ADAM29: variants seen among roughly 807,000 people sequenced by gnomAD.
ADAM29 encodes disintegrin and metalloproteinase domain-containing protein 29.
For missense variants in ADAM29, 969 were observed against 1,001.8 expected (o/e 0.97, Z 0.44); for synonymous variants, 367 against 342.3 (o/e 1.07, Z -0.80).
intron 4 of ADAM29, among the ~76,000 whole-genome samples, chr4:174,947,165 A>C (rs1033561396): frequency 2.6e-5 from 4 of 151,510 alleles, no homozygotes; most frequent in African/African-American, 9.7e-5. Flanking sequence ...CTAGCAGTCT[A>C]TTAATCATAT....
intron 3 of ADAM29, among the ~76,000 whole-genome samples, chr4:174,931,785 C>T (rs73001888): frequency 6.6e-6 from 1 of 151,212 alleles, no homozygotes; most frequent in African/African-American, 2.4e-5. Flanking sequence ...TTAGTACCTA[C>T]CATAATTTAT....
intron 4 of ADAM29, among the ~76,000 whole-genome samples, chr4:174,948,052 C>CATCTTT (rs753394032): frequency 8.5e-5 from 13 of 152,302 alleles, no homozygotes; most frequent in Non-Finnish European, 1.5e-4. Flanking sequence ...ATGGACATTT[C>CATCTTT]ATCTTTTACC....
intron 4 of ADAM29, among the ~76,000 whole-genome samples, chr4:174,967,893 TG>T (rs1181203598): frequency 6.6e-6 from 1 of 152,222 alleles, no homozygotes; most frequent in Admixed American, 6.5e-5. Flanking sequence ...ACCCACTACT[TG>T]GAATGTCTTC....
chr4:174,951,489 A>G (rs28712018), intron 4 of ADAM29, among the ~76,000 whole-genome samples: 2,786 of 152,334 alleles, frequency 0.018, 90 homozygotes, highest in African/African-American at 0.063. Context: ...AGCCTTTTGT[A>G]TAATGGTTTA....
chr4:174,942,731 C>T lies in ADAM29; in HGVS notation c.-181+5718C>T, dbSNP rs115083119. On this transcript the variant is annotated intron_variant, in intron 4 of 4. Coordinates refer to ENST00000359240, the MANE Select transcript of ADAM29 (RefSeq NM_014269.4). The stretch of plus-strand genomic sequence containing the variant: ...TGCCCTGGAGACATTTTCCCCATTG[C>T]CTTGGCTATTAACATTCAGCTTCTC... Among the ~76,000 whole-genome samples the T allele has an allele frequency of 4.2e-3, 638 of 152,252 alleles. 2 individuals carry two copies. Among genetic ancestry groups the T allele is most frequent in the Middle Eastern group, 0.01 (3 of 294 alleles).
intron 4 of ADAM29, among the ~76,000 whole-genome samples, chr4:174,960,939 A>C (rs530646697): frequency 2.6e-5 from 4 of 152,264 alleles, no homozygotes; most frequent in African/African-American, 9.6e-5. Context: ...TGTGATAAGA[A>C]CTGTCTCCTT....
intron 4 of ADAM29, among the ~76,000 whole-genome samples, chr4:174,950,810 G>T (rs555481448): frequency 1.3e-5 from 2 of 152,192 alleles, no homozygotes; most frequent in Admixed American, 6.5e-5. Flanking sequence ...GGGGGCAGAC[G>T]TCCCCCTTCT....
chr4:174,932,878 A>T (rs1743979581), intron 3 of ADAM29, among the ~76,000 whole-genome samples: 1 of 152,188 alleles, frequency 6.6e-6, no homozygotes, highest in Non-Finnish European at 1.5e-5. Flanking sequence ...CAAAGAATAG[A>T]TAAGACTTAT....
intron 4 of ADAM29, among the ~76,000 whole-genome samples, chr4:174,961,651 AG>A (rs1448729782): frequency 6.6e-6 from 1 of 152,178 alleles, no homozygotes; most frequent in Non-Finnish European, 1.5e-5. Context: ...AACATACCTA[AG>A]AAAAAAAGAT....
chr4:174,948,645 C>T (rs1282720252), intron 4 of ADAM29, among the ~76,000 whole-genome samples: 1 of 152,226 alleles, frequency 6.6e-6, no homozygotes, highest in African/African-American at 2.4e-5. Context: ...TGCTTGCTCA[C>T]ATGTGCCAGC....
chr4:174,977,121 T>A lies in ADAM29; in HGVS notation c.1596T>A (p.Gly532=). The A allele has an allele frequency of 6.2e-7, 1 of 1,614,056 alleles. No homozygotes were observed. Among genetic ancestry groups the A allele is most frequent in the South Asian group, 1.1e-5 (1 of 91,066 alleles). Reference sequence around the variant, plus strand: ...TGAACACCTTAGGTGACCGTGTTGGTCACTGTGGTATCAAAAATGCTACAT... The same window carrying A: ...TGAACACCTTAGGTGACCGTGTTGGACACTGTGGTATCAAAAATGCTACAT... ...KELNTLGDRV[G]HCGIKNATYI... Residue 532 remains glycine (G), a synonymous_variant, in exon 5 of 5, where the codon GGT becomes GGA. Coordinates refer to ENST00000359240, the MANE Select transcript of ADAM29 (RefSeq NM_014269.4).
chr4:174,964,164 C>T (rs1178376056), intron 4 of ADAM29, among the ~76,000 whole-genome samples: 1 of 151,882 alleles, frequency 6.6e-6, no homozygotes, highest in African/African-American at 2.4e-5. Context: ...TTGGAGATAG[C>T]TTCTATAAAG....
In ADAM29 at chr4:174,975,860, C is replaced by A; in HGVS notation, c.335C>A (p.Ser112Tyr). The change falls in exon 5 of 5, where the codon TCC becomes TAC. Residue 112 changes from serine (S) to tyrosine (Y), a missense_variant. Coordinates refer to ENST00000359240, the MANE Select transcript of ADAM29 (RefSeq NM_014269.4). ...GGTTATGTGGAAGGGGACCCAGAATCCCTGGTTTCCCTCAGTACCTGTTTT... is the reference window on the plus strand; with the variant it reads ...GGTTATGTGGAAGGGGACCCAGAATACCTGGTTTCCCTCAGTACCTGTTTT... ...YHGYVEGDPE[S>Y]LVSLSTCFGG... 6.2e-7 allele frequency: 1 copy of A among 1,613,802 alleles called. No individual in the cohort carries two copies. The highest frequency in any genetic ancestry group is 8.5e-7 in the Non-Finnish European group (1 of 1,179,908).
intron 2 of ADAM29, among the ~76,000 whole-genome samples, chr4:174,927,650 C>T (rs977360244): frequency 1.6e-4 from 25 of 152,180 alleles, no homozygotes; most frequent in African/African-American, 5.8e-4. Flanking sequence ...GATCTTGTAA[C>T]CTGCAGCCTT....
intron 4 of ADAM29, among the ~76,000 whole-genome samples, chr4:174,944,530 A>C (rs1391958731): frequency 2.0e-5 from 3 of 151,634 alleles, no homozygotes. Flanking sequence ...ATTTTTTTTT[A>C]ATTAAACTTT....
At chr4:174,947,581 A>G (rs1744927466) in intron 4 of ADAM29, among the ~76,000 whole-genome samples, 1 of 152,158 alleles carries the variant, frequency 6.6e-6, no homozygotes, top group Admixed American at 6.5e-5. Context: ...ATTGATTTCT[A>G]TTTTTATTGT....
chr4:174,936,560 A>G (rs1297730651), intron 3 of ADAM29, among the ~76,000 whole-genome samples: 2 of 151,940 alleles, frequency 1.3e-5, no homozygotes, highest in Non-Finnish European at 2.9e-5. Flanking sequence ...ATTTTATTTT[A>G]TTGATAAAAC....
At chr4:174,943,189 G>A (rs1744646129) in intron 4 of ADAM29, among the ~76,000 whole-genome samples, 1 of 152,142 alleles carries the variant, frequency 6.6e-6, no homozygotes, top group Non-Finnish European at 1.5e-5. Context: ...AACGCATTCA[G>A]CAAGTATTTT....
In ADAM29 at chr4:174,935,490, C is replaced by T. The variant is rs564409657; in HGVS notation, c.-261-1443C>T. Reference sequence around the variant, plus strand: ...TTTAAAGTAAACCTACTACCCCATTCATAGTGAACGTCTAGTAAGATTTTT... The same window carrying T: ...TTTAAAGTAAACCTACTACCCCATTTATAGTGAACGTCTAGTAAGATTTTT... On this transcript the variant is annotated intron_variant, in intron 3 of 4. Coordinates refer to ENST00000359240, the MANE Select transcript of ADAM29 (RefSeq NM_014269.4). Among the ~76,000 whole-genome samples, 7 of 152,154 alleles carry T rather than the reference C, an allele frequency of 4.6e-5. No homozygotes were observed. In the South Asian group the frequency reaches 6.2e-4, roughly 14 times the overall value.
Sources: gnomAD v4.1 joint callset for allele counts (sites outside exome capture counted in the v4.1 genomes callset) on GRCh38, gnomAD v4.1.1 for gene constraint, MANE v1.5 for transcripts, NCBI Gene and HGNC (gene_info 2026-07-23, HGNC 2026-07-21) for gene names.